Variants in SMAD4 observed in about 807,000 individuals in gnomAD.
SMAD4 encodes the protein MAD homolog 4.
SMAD4 carries 7 observed loss-of-function variants against 63.2 expected under a neutral mutation model. The observed-to-expected ratio is 0.11, with a 90% CI of 0.06 to 0.21. SMAD4 has a LOEUF of 0.21. SMAD4 is among the 10% of genes least tolerant of loss of function. The pLI is 1.00. For missense variants in SMAD4, 312 were observed against 693.8 expected (o/e 0.45, Z 6.18); for synonymous variants, 215 against 235.4 (o/e 0.91, Z 0.79).
chr18:51,037,951 C>G (rs927444650), intron 1 of SMAD4, among the ~76,000 whole-genome samples: 2 of 151,954 alleles, frequency 1.3e-5, no homozygotes, highest in African/African-American at 2.4e-5. Flanking sequence ...TACTTAAAGA[C>G]TTTTCTGATG....
rs927620013 is a variant in SMAD4, at chr18:51,054,886, G to A, written c.560G>A (p.Ser187Asn). The change falls in exon 5 of 12, where the codon AGT (serine) becomes AAT (asparagine). Residue 187 changes from serine to asparagine, a missense_variant. Physicochemically the swap from Ser to Asn is conservative, Grantham distance 46. This residue lies in a region of SMAD4 where 169 missense variants were observed against 211.0 expected (regional missense o/e 0.80). Coordinates refer to ENST00000342988, the MANE Select transcript of SMAD4 (RefSeq NM_005359.6). ...HSIQTIQHPP[S>N]NRASTETYST... ...ATTCAAACCATCCAGCATCCACCAA[G>A]TAATCGTGCATCGACAGAGACATAC... is the stretch of plus-strand genomic sequence containing the variant. 1 of 1,614,134 alleles carries A rather than the reference G, an allele frequency of 6.2e-7. No individual in the cohort carries two copies. Among genetic ancestry groups the A allele is most frequent in the Non-Finnish European group, 8.5e-7 (1 of 1,179,972 alleles).
At chr18:51,075,135 T>C (rs1037458777) in intron 10 of SMAD4, among the ~76,000 whole-genome samples, 4 of 152,234 alleles carry the variant, frequency 2.6e-5, no homozygotes, top group African/African-American at 7.2e-5. Flanking sequence ...TTGGTGCTAA[T>C]TGGGAAAAGT....
chr18:51,065,774 C>T (rs906875210), intron 9 of SMAD4, among the ~76,000 whole-genome samples, 168 bp downstream of exon 9: 8 of 152,038 alleles, frequency 5.3e-5, no homozygotes, highest in East Asian at 1.9e-4. Context: ...TCTTAATTGT[C>T]GGTGTTTTTG....
intron 8 of SMAD4, 39 bp downstream of exon 8, chr18:51,059,955 G>C (rs1233646095): frequency 1.5e-5 from 22 of 1,495,204 alleles, no homozygotes; most frequent in Non-Finnish European, 2.1e-5. Flanking sequence ...TATTTAGATT[G>C]ATTTAGTGGT....
At chr18:51,037,352 A>G (rs1416689654) in intron 1 of SMAD4, among the ~76,000 whole-genome samples, 3 of 152,220 alleles carry the variant, frequency 2.0e-5, no homozygotes, top group East Asian at 1.9e-4. Context: ...AATTATTTTC[A>G]TAATGAAACT....
intron 8 of SMAD4, 144 bp from the exon 9 acceptor site, chr18:51,065,279 T>C: frequency 1.4e-6 from 1 of 716,030 alleles, no homozygotes; most frequent in Non-Finnish European, 2.5e-6. Flanking sequence ...ATTATGTTAT[T>C]TTAATCCAGT....
Position 51,052,745 on chromosome 18 carries a change from T to G in SMAD4, c.455-2036T>G, listed in dbSNP as rs1357319240. Reference sequence around the variant, plus strand: ...CCTCAGGTAATCACTTTTTTTAGTTTCTGGTGTTTCCTTCCAGGGTTTCTA... The same window carrying G: ...CCTCAGGTAATCACTTTTTTTAGTTGCTGGTGTTTCCTTCCAGGGTTTCTA... On this transcript the variant is annotated intron_variant, in intron 4 of 11. Transcript: ENST00000342988. 3 of 207,610 alleles carry G rather than the reference T, an allele frequency of 1.4e-5. No homozygotes were observed. The Admixed American group carries it at 1.6e-4, about 11-fold the overall frequency. The allele number at this position is 207,610 out of a possible 1,614,324, so 12.9% of individuals were successfully genotyped here.
In SMAD4 at chr18:51,082,970, C is replaced by A. The variant is rs1280918249; in HGVS notation, c.*4503C>A. 4.4e-6 allele frequency: 1 copy of A among 226,592 alleles called. No individual in the cohort carries two copies. Among genetic ancestry groups the A allele is most frequent in the Non-Finnish European group, 8.8e-6 (1 of 113,980 alleles). The allele number at this position is 226,592 out of a possible 1,614,324, so 14.0% of individuals were successfully genotyped here. ...TTTCCTGTGAAGTGCTGAAAAAGAC[C>A]TCATTGTATTGGCATTTGATATCAG... On this transcript the variant is annotated 3_prime_UTR_variant, in exon 12 of 12. Transcript: ENST00000342988.
At position 51,066,019 on chromosome 18, in the gene SMAD4, A is replaced by G. The variant is rs1046016289; in HGVS notation, c.1139+413A>G. Among the ~76,000 whole-genome samples the G allele has an allele frequency of 2.6e-5, 4 of 151,026 alleles. No homozygotes were observed. In the Admixed American group the frequency reaches 2.7e-4, roughly 10 times the overall value. On this transcript the variant is annotated intron_variant, in intron 9 of 11. Transcript: ENST00000342988. ...GAAATGGTTAAGTAAATTATGATAA[A>G]TTTTTCCTTTTTTATACAGTCATTA...
intron 8 of SMAD4, among the ~76,000 whole-genome samples, chr18:51,063,601 CG>C: frequency 6.6e-6 from 1 of 152,072 alleles, no homozygotes; most frequent in South Asian, 2.1e-4. Flanking sequence ...TTCGTAGAGA[CG>C]CGGTTTCACC....
intron 10 of SMAD4, 96 bp from the exon 11 acceptor site, chr18:51,076,542 A>G: frequency 3.0e-6 from 3 of 1,005,064 alleles, no homozygotes; most frequent in South Asian, 1.4e-5. Flanking sequence ...TGTGAGAGGT[A>G]TAATGAAACT....
intron 10 of SMAD4, 116 bp from the exon 11 acceptor site, chr18:51,076,522 A>G (rs1910474262): frequency 3.5e-6 from 3 of 862,386 alleles, no homozygotes; most frequent in Middle Eastern, 3.4e-4. Flanking sequence ...GTTTTAATTA[A>G]TTCTTTTCAT....
rs587781640 is a variant in SMAD4, at chr18:51,078,251, G to T, written c.1448-5G>T. On this transcript the variant is annotated splice_region_variant and splice_polypyrimidine_tract_variant and intron_variant, in intron 11 of 11. Coordinates refer to ENST00000342988, the MANE Select transcript of SMAD4 (RefSeq NM_005359.6). ...CTCTGATGTCTTCCAAATCTTTTCT[G>T]TTAGGTCTGTCAGCTGCTGCTGGAA... 5.0e-6 allele frequency: 8 copies of T among 1,610,576 alleles called. No homozygotes were observed. Among genetic ancestry groups the T allele is most frequent in the Non-Finnish European group, 6.8e-6 (8 of 1,177,576 alleles).
intron 1 of SMAD4, among the ~76,000 whole-genome samples, chr18:51,031,709 C>G (rs1228841259): frequency 6.6e-6 from 1 of 150,810 alleles, no homozygotes; most frequent in Non-Finnish European, 1.5e-5. Context: ...AGGTTCACTC[C>G]TTTTTGCTGG....
rs773598775 is a variant in SMAD4 at position 51,065,469 on chromosome 18, G to A, written c.1002G>A (p.Gln334=). Residue 334 remains glutamine (Q), a synonymous_variant, in exon 9 of 12, where the codon CAG becomes CAA. Coordinates refer to ENST00000342988, the MANE Select transcript of SMAD4 (RefSeq NM_005359.6). ...TTGCTTACTTTGAAATGGATGTTCAGGTAGGAGAGACATTTAAGGTTCCTT... is the reference window on the plus strand; with the variant it reads ...TTGCTTACTTTGAAATGGATGTTCAAGTAGGAGAGACATTTAAGGTTCCTT... The part of the protein sequence containing the change: ...CSIAYFEMDV[Q]VGETFKVPSS... The A allele has an allele frequency of 1.2e-6, 2 of 1,614,056 alleles. No individual in the cohort carries two copies. Among genetic ancestry groups the A allele is most frequent in the African/African-American group, 1.3e-5 (1 of 75,044 alleles).
chr18:51,048,912 A>G (rs189904125), intron 3 of SMAD4, 52 bp downstream of exon 3: 5 of 1,477,410 alleles, frequency 3.4e-6, no homozygotes, highest in South Asian at 2.3e-5. Flanking sequence ...AAGGATCTCA[A>G]TAGTGTTTCA....
intron 5 of SMAD4, among the ~76,000 whole-genome samples, chr18:51,055,866 G>A (rs571991368): frequency 3.3e-5 from 5 of 152,176 alleles, no homozygotes; most frequent in African/African-American, 4.8e-5. Flanking sequence ...TACCATTATT[G>A]TATTTGCTTT....
At position 51,084,599 on chromosome 18, in the gene SMAD4, C is replaced by T. The variant is rs937639833; in HGVS notation, c.*6132C>T. On this transcript the variant is annotated 3_prime_UTR_variant, in exon 12 of 12. Transcript: ENST00000342988. Reference sequence around the variant, plus strand: ...AGCTGCTGTTGCAAAGGCTGCTTGTCATTGATAGAAGGACTCACGGGCTTG... The same window carrying T: ...AGCTGCTGTTGCAAAGGCTGCTTGTTATTGATAGAAGGACTCACGGGCTTG... The T allele has an allele frequency of 1.3e-5, 3 of 230,082 alleles. No individual in the cohort carries two copies. In the Admixed American group the frequency reaches 1.7e-4, roughly 13 times the overall value. 14.3% of individuals were successfully genotyped at this position (230,082 alleles called of 1,614,324 possible).
chr18:51,033,380 A>G (rs1471880450), intron 1 of SMAD4, among the ~76,000 whole-genome samples: 4 of 152,060 alleles, frequency 2.6e-5, no homozygotes, highest in African/African-American at 9.7e-5. Context: ...AGTAGAGACG[A>G]GGTTTCGCCA....
Sources: allele counts gnomAD v4.1 joint callset (sites outside exome capture counted in the v4.1 genomes callset), GRCh38; gene constraint gnomAD v4.1.1; regional missense constraint gnomAD v4.1.1; transcripts MANE v1.5; gene names NCBI Gene and HGNC (gene_info 2026-07-23, HGNC 2026-07-21).